TCF7: variants seen among roughly 807,000 people sequenced by gnomAD.
The protein encoded by TCF7 is transcription factor 7, also known as T-cell-factor-7.
TCF7 carries 19 observed loss-of-function variants against 46.8 expected under a neutral mutation model. The ratio of observed to expected loss-of-function variants is 0.41; its 90% CI spans 0.28 to 0.60. The LOEUF is 0.60. Among genes scored for constraint, TCF7 ranks in the 20% least tolerant of loss-of-function variants. TCF7 has a pLI of 0.35. For synonymous variants in TCF7, 245 were observed against 213.4 expected (o/e 1.15, Z -1.29); for missense variants, 547 against 504.6 (o/e 1.08, Z -0.81).
intron 3 of TCF7, among the ~76,000 whole-genome samples, chr5:134,123,121 C>T (rs185498083): frequency 6.6e-6 from 1 of 152,324 alleles, no homozygotes; most frequent in Non-Finnish European, 1.5e-5. Context: ...CAGTAGGTGC[C>T]TCCTGAGTGG....
Position 134,114,969 on chromosome 5 carries a change from C to A in TCF7, c.63C>A (p.Asp21Glu). 1 of 1,182,100 alleles carries A rather than the reference C, an allele frequency of 8.5e-7. No homozygotes were observed. Among genetic ancestry groups the A allele is most frequent in the Non-Finnish European group, 1.1e-6 (1 of 933,260 alleles). The allele number at this position is 1,182,100 out of a possible 1,614,324, so 73.2% of individuals were successfully genotyped here. ...AGGGDDLGAP[D>E]ELLAFQDEGE... The stretch of plus-strand genomic sequence containing the variant: ...GCGGCGACGACCTCGGCGCGCCGGA[C>A]GAGCTGCTGGCCTTCCAGGATGAAG... Residue 21 changes from aspartate (D) to glutamate (E), a missense_variant, in exon 1 of 10, where the codon GAC becomes GAA. Physicochemically the swap from Asp to Glu is conservative, Grantham distance 45. Around this residue, in one of 3 missense-constraint regions of TCF7, gnomAD observed 425 missense variants for 349.9 expected, o/e 1.21. Transcript: ENST00000342854.
the TCF7 span, among the ~76,000 whole-genome samples, chr5:134,108,249 G>A: frequency 0.016 from 2,447 of 152,222 alleles, 63 homozygotes; most frequent in African/African-American, 0.055. Context: ...CCCCCACCCT[G>A]GGAGCCTGAA....
rs772853939 is a variant in TCF7 at position 134,147,933 on chromosome 5, G to A, written c.*1630G>A. ...GGAGGTTCCAGTGAGCCGAGATGGC[G>A]CTATTGCACTCCAGTCTGGGTAACA... On this transcript the variant is annotated 3_prime_UTR_variant, in exon 10 of 10. Coordinates refer to ENST00000342854, the MANE Select transcript of TCF7 (RefSeq NM_003202.5). 9 of 132,290 alleles carry A rather than the reference G, an allele frequency of 6.8e-5. No individual in the cohort carries two copies. Among genetic ancestry groups the A allele is most frequent in the Non-Finnish European group, 1.2e-4 (8 of 65,756 alleles). The allele number at this position is 132,290 out of a possible 1,614,324, so 8.2% of individuals were successfully genotyped here. A position where few individuals can be genotyped will look rare whatever the true frequency, so the allele number is the denominator to read the frequency against.
At position 134,139,020 on chromosome 5, in the gene TCF7, T is replaced by C. The variant is rs1052374924; in HGVS notation, c.617T>C (p.Leu206Pro). Residue 206 changes from leucine to proline, a missense_variant, in exon 5 of 10, where the codon CTC becomes CCC. By Grantham distance (98) the Leu-to-Pro change is moderately conservative. This residue lies in a region of TCF7 where 425 missense variants were observed against 349.9 expected (regional missense o/e 1.21). Coordinates refer to ENST00000342854, the MANE Select transcript of TCF7 (RefSeq NM_003202.5). The stretch of plus-strand genomic sequence containing the variant: ...CTGACCTCAGGCAGCATGGGGCAGC[T>C]CCCCCACACTGTGAGCTGGTGAGTG... Reference protein sequence around the residue: ...YSLTSGSMGQLPHTVSWFTHP... With the variant: ...YSLTSGSMGQPPHTVSWFTHP... The C allele has an allele frequency of 6.2e-7, 1 of 1,613,722 alleles. No homozygotes were observed. Among genetic ancestry groups the C allele is most frequent in the Non-Finnish European group, 8.5e-7 (1 of 1,179,978 alleles).
chr5:134,109,035 G>A, the TCF7 span, among the ~76,000 whole-genome samples: 99 of 152,182 alleles, frequency 6.5e-4, no homozygotes, highest in African/African-American at 2.3e-3. Context: ...CCTCTTTAGC[G>A]CCTGATGTCT....
chr5:134,110,123 A>G (rs1184384113), upstream of TCF7, among the ~76,000 whole-genome samples: 1 of 152,240 alleles, frequency 6.6e-6, no homozygotes, highest in Non-Finnish European at 1.5e-5. Flanking sequence ...AACCCATGGG[A>G]ATAGTCCTAA....
intron 5 of TCF7, 109 bp downstream of exon 5, chr5:134,139,147 C>T (rs1759349110): frequency 1.3e-6 from 2 of 1,489,290 alleles, no homozygotes; most frequent in Non-Finnish European, 1.8e-6. Flanking sequence ...CTGCTGCCAG[C>T]TCTGTTTAGA....
rs1425677505 is a variant in TCF7 at position 134,128,761 on chromosome 5, C to T, written c.442-9298C>T. ...CTCTCGGGCTTGGAGCTGGACAAGC[C>T]GTGGCGAGAGCACCCCAGCCTCCGG... On this transcript the variant is annotated intron_variant, in intron 3 of 9. Transcript: ENST00000342854. Among the ~76,000 whole-genome samples the T allele has an allele frequency of 2.6e-5, 4 of 152,046 alleles. No individual in the cohort carries two copies. In the East Asian group the frequency reaches 7.7e-4, roughly 29 times the overall value.
At chr5:134,120,658 C>T (rs1235204671) in intron 3 of TCF7, among the ~76,000 whole-genome samples, 4 of 152,246 alleles carry the variant, frequency 2.6e-5, no homozygotes, top group Non-Finnish European at 4.4e-5. Flanking sequence ...GGGCTCAATT[C>T]AGATGTCTCT....
intron 9 of TCF7, chr5:134,145,959 C>G: frequency 6.8e-7 from 1 of 1,478,318 alleles, no homozygotes; most frequent in South Asian, 1.4e-5. Context: ...GGAGAGATGA[C>G]TCCCTTGGAA....
the TCF7 span, among the ~76,000 whole-genome samples, chr5:134,108,365 T>TGAA: frequency 3.3e-5 from 5 of 152,172 alleles, no homozygotes; most frequent in South Asian, 1.0e-3. Context: ...GGGCCACAGA[T>TGAA]GAAGGTGCCA....
the TCF7 span, among the ~76,000 whole-genome samples, chr5:134,109,559 C>G: frequency 2.6e-5 from 4 of 152,088 alleles, no homozygotes; most frequent in African/African-American, 9.7e-5. Flanking sequence ...CAGCTGAGGT[C>G]AGGAGTTCGA....
chr5:134,143,183 C>T (rs1040337253), intron 8 of TCF7, 83 bp downstream of exon 8: 6 of 1,408,734 alleles, frequency 4.3e-6, no homozygotes, highest in East Asian at 2.4e-5. Context: ...CAGTAAGGAA[C>T]GCAGAACTAC....
At chr5:134,108,760 C>T in the TCF7 span, among the ~76,000 whole-genome samples, 1 of 152,236 alleles carries the variant, frequency 6.6e-6, no homozygotes, top group South Asian at 2.1e-4. Flanking sequence ...AGGTGCCATT[C>T]TAGGCAAGGT....
upstream of TCF7, among the ~76,000 whole-genome samples, chr5:134,109,703 G>A (rs1250419983): frequency 4.6e-5 from 7 of 150,866 alleles, no homozygotes; most frequent in African/African-American, 1.7e-4. Context: ...CTGGGAGGCA[G>A]AGGTTGCAGT....
Position 134,146,205 on chromosome 5 carries a change from C to T in TCF7, c.1076-19C>T, listed in dbSNP as rs747086264. 14 of 1,614,194 alleles carry T rather than the reference C, an allele frequency of 8.7e-6. No homozygotes were observed. The South Asian group carries it at 1.2e-4, about 14-fold the overall frequency. On this transcript the variant is annotated intron_variant, in intron 9 of 9. Coordinates refer to ENST00000342854, the MANE Select transcript of TCF7 (RefSeq NM_003202.5). ...GAATTCACCCTCTGTTTACAGATAA[C>T]TCTCTTCACTATTCCTAGGAGGAAA...
At chr5:134,143,150 T>C (rs1760122615) in intron 8 of TCF7, 50 bp downstream of exon 8, 1 of 1,525,512 alleles carries the variant, frequency 6.6e-7, no homozygotes, top group African/African-American at 1.4e-5. Flanking sequence ...CCCTTTGAGA[T>C]ACCATGCCCC....
At position 134,146,768 on chromosome 5, in the gene TCF7, G is replaced by A; in HGVS notation, c.*465G>A. On this transcript the variant is annotated 3_prime_UTR_variant, in exon 10 of 10. Coordinates refer to ENST00000342854, the MANE Select transcript of TCF7 (RefSeq NM_003202.5). ...GAATCCCTTGTACCTATGGCTGCCT[G>A]CATCTATTCTTTGTACCATCTGTCT... 1 of 539,676 alleles carries A rather than the reference G, an allele frequency of 1.9e-6. No homozygotes were observed. The highest frequency in any genetic ancestry group is 3.3e-5 in the East Asian group (1 of 30,502). 33.4% of individuals were successfully genotyped at this position (539,676 alleles called of 1,614,324 possible). A position where few individuals can be genotyped will look rare whatever the true frequency, so the allele number is the denominator to read the frequency against.
chr5:134,110,628 G>A (rs550202832), upstream of TCF7, among the ~76,000 whole-genome samples: 60 of 152,374 alleles, frequency 3.9e-4, no homozygotes, highest in African/African-American at 1.1e-3. Context: ...TGCTCCTGCC[G>A]AGAGCCAGCA....
Sources: allele counts gnomAD v4.1 joint callset (sites outside exome capture counted in the v4.1 genomes callset), GRCh38; gene constraint gnomAD v4.1.1; regional missense constraint gnomAD v4.1.1; transcripts MANE v1.5; gene names NCBI Gene and HGNC (gene_info 2026-07-23, HGNC 2026-07-21).